The following FBLN1 variants were observed in gnomAD, a reference collection of about 807,000 sequenced individuals.
FBLN1 encodes the protein fibulin 1.
In FBLN1, 34 loss-of-function variants were observed where a neutral mutation model predicts 89.7. The observed-to-expected ratio is 0.38, with a 90% CI of 0.29 to 0.50. The LOEUF (loss-of-function observed/expected upper bound fraction) is 0.50. Ranked by LOEUF, FBLN1 falls within the 20% of genes least tolerant of loss-of-function variation. FBLN1 has a pLI of 0.92. For synonymous variants in FBLN1, 393 were observed against 391.3 expected (o/e 1.00, Z -0.05); for missense variants, 777 against 988.1 (o/e 0.79, Z 2.86).
chr22:45,539,636 A>G (rs2088529167), intron 8 of FBLN1, among the ~76,000 whole-genome samples: 1 of 152,248 alleles, frequency 6.6e-6, no homozygotes, highest in Non-Finnish European at 1.5e-5. Context: ...GGGTGAAGCC[A>G]AGTGAACGGG....
chr22:45,510,289 CTGCTTTG>C (rs1303809057), intron 1 of FBLN1, among the ~76,000 whole-genome samples: 6 of 152,136 alleles, frequency 3.9e-5, no homozygotes, highest in Non-Finnish European at 7.4e-5. Flanking sequence ...TCCCTGGATC[CTGCTTTG>C]CTTTCACCCT....
chr22:45,526,224 G>A (rs540920367), intron 3 of FBLN1, among the ~76,000 whole-genome samples: 23 of 152,336 alleles, frequency 1.5e-4, no homozygotes, highest in African/African-American at 5.5e-4. Flanking sequence ...GGACCCAGAC[G>A]GGATCCTGCC....
chr22:45,565,091 G>T, intron 14 of FBLN1: 1 of 1,594,910 alleles, frequency 6.3e-7, no homozygotes, highest in Non-Finnish European at 8.5e-7. Flanking sequence ...CACGGCCCTT[G>T]CCACTGTCTC....
rs757562434 is a variant in FBLN1, at chr22:45,542,291, G to C, written c.1195+8G>C. On this transcript the variant is annotated splice_region_variant and intron_variant, in intron 10 of 16. Coordinates refer to ENST00000327858, the MANE Select transcript of FBLN1 (RefSeq NM_006486.3). Reference sequence around the variant, plus strand: ...TCAGCAGGATGTGTGTCGGTGCGTGGGGGGCCCCGCAGGCCTCGGGGGAAC... The same window carrying C: ...TCAGCAGGATGTGTGTCGGTGCGTGCGGGGCCCCGCAGGCCTCGGGGGAAC... 1 of 1,613,666 alleles carries C rather than the reference G, an allele frequency of 6.2e-7. No individual in the cohort carries two copies. The highest frequency in any genetic ancestry group is 8.5e-7 in the Non-Finnish European group (1 of 1,180,014).
At chr22:45,570,376 A>AAAAG (rs1180424298) in intron 14 of FBLN1, among the ~76,000 whole-genome samples, 15 of 150,706 alleles carry the variant, frequency 1.0e-4, no homozygotes, top group African/African-American at 3.4e-4. Flanking sequence ...GAAAAAGAAA[A>AAAAG]AAAGAAAGAA....
At position 45,578,557 on chromosome 22, in the gene FBLN1, T is replaced by G. The variant is rs917774492; in HGVS notation, c.1972+1449T>G. On this transcript the variant is annotated intron_variant, in intron 16 of 16. Coordinates refer to ENST00000327858, the MANE Select transcript of FBLN1 (RefSeq NM_006486.3). This position sits in a 1 kb window ranked among gnomAD's most constrained non-coding sequence, Gnocchi z 4.6. Reference sequence around the variant, plus strand: ...GTTTCCCCCATTGTGAAATGAGAGTTTAGATGAAGACAGCCTTGAGGGTCC... The same window carrying G: ...GTTTCCCCCATTGTGAAATGAGAGTGTAGATGAAGACAGCCTTGAGGGTCC... 1 of 152,218 alleles carries G rather than the reference T, an allele frequency of 6.6e-6. No individual in the cohort carries two copies. Among genetic ancestry groups the G allele is most frequent in the Non-Finnish European group, 1.5e-5 (1 of 68,054 alleles). 9.4% of individuals were successfully genotyped at this position (152,218 alleles called of 1,614,324 possible). A position where few individuals can be genotyped will look rare whatever the true frequency, so the allele number is the denominator to read the frequency against.
chr22:45,540,921 T>G (rs937833953), intron 8 of FBLN1, among the ~76,000 whole-genome samples: 1 of 152,118 alleles, frequency 6.6e-6, no homozygotes, highest in Non-Finnish European at 1.5e-5. Flanking sequence ...CCGTGCCCAG[T>G]GTGTGGAGTA....
chr22:45,555,085 C>T (rs1433006176), intron 14 of FBLN1, among the ~76,000 whole-genome samples: 1 of 145,152 alleles, frequency 6.9e-6, no homozygotes, highest in Non-Finnish European at 1.5e-5. Context: ...GACCCGTCCC[C>T]GTCTCCACCG....
In FBLN1 at chr22:45,581,981, G is replaced by A. The variant is rs184166323; in HGVS notation, c.1972+4873G>A. Among the ~76,000 whole-genome samples the A allele has an allele frequency of 2.9e-3, 441 of 152,324 alleles. 1 individual carries two copies. Among genetic ancestry groups the A allele is most frequent in the African/African-American group, 8.5e-3 (354 of 41,564 alleles). On this transcript the variant is annotated intron_variant, in intron 16 of 16. Coordinates refer to ENST00000327858, the MANE Select transcript of FBLN1 (RefSeq NM_006486.3). The surrounding 1 kb of genome is among the most constrained non-coding windows in gnomAD (Gnocchi z 7.6). ...ACCACGGGAGCCACGGGAGGTCTGT[G>A]CTGCCCATGGAGCTTCCAGATCCCG... is the stretch of plus-strand genomic sequence containing the variant.
chr22:45,554,321 G>T (rs2088749201), intron 14 of FBLN1, among the ~76,000 whole-genome samples: 1 of 152,204 alleles, frequency 6.6e-6, no homozygotes, highest in South Asian at 2.1e-4. Context: ...AGGCCCCCCT[G>T]GGGGAGAGCT....
intron 14 of FBLN1, among the ~76,000 whole-genome samples, chr22:45,555,201 T>G (rs1423573406): frequency 3.3e-5 from 5 of 149,804 alleles, no homozygotes; most frequent in African/African-American, 1.2e-4. Flanking sequence ...ACAAGAAGTT[T>G]GGACCTGTAT....
chr22:45,514,978 G>A (rs1220859071), intron 1 of FBLN1, among the ~76,000 whole-genome samples: 2 of 152,194 alleles, frequency 1.3e-5, no homozygotes, highest in African/African-American at 2.4e-5. Context: ...TGCTGTGGGA[G>A]CAGGGACACC....
In FBLN1 at chr22:45,502,977, C is replaced by T. The variant is rs2087965374; in HGVS notation, c.-9C>T. ...TCCGCCGCCGCCCACCGCCCGTCGCCCGCCGCCCATGGAGCGCGCCGCGCC... is the reference window on the plus strand; with the variant it reads ...TCCGCCGCCGCCCACCGCCCGTCGCTCGCCGCCCATGGAGCGCGCCGCGCC... On this transcript the variant is annotated 5_prime_UTR_variant, in exon 1 of 17. Transcript: ENST00000327858. The T allele has an allele frequency of 8.4e-7, 1 of 1,183,688 alleles. No homozygotes were observed. The highest frequency in any genetic ancestry group is 1.0e-6 in the Non-Finnish European group (1 of 956,552). 73.3% of individuals were successfully genotyped at this position (1,183,688 alleles called of 1,614,324 possible).
chr22:45,556,495 G>A lies in FBLN1; in HGVS notation c.1697+5880G>A, dbSNP rs2088790102. ...TGACCCAAACCTTCATTCCTGAAGG[G>A]TCTGGGTCATTTGTAGTCCTGCCTG... On this transcript the variant is annotated intron_variant, in intron 14 of 16. Transcript: ENST00000327858. This position sits in a 1 kb window ranked among gnomAD's most constrained non-coding sequence, Gnocchi z 4.6. Among the ~76,000 whole-genome samples, 1 of 151,834 alleles carries A rather than the reference G, an allele frequency of 6.6e-6. No individual in the cohort carries two copies. The highest frequency in any genetic ancestry group is 2.4e-5 in the African/African-American group (1 of 41,304).
At position 45,580,624 on chromosome 22, in the gene FBLN1, C is replaced by T. The variant is rs151285750; in HGVS notation, c.1972+3516C>T. 2.0e-3 allele frequency among the ~76,000 whole-genome samples: 304 copies of T among 152,340 alleles called. 1 individual carries two copies. Among genetic ancestry groups the T allele is most frequent in the Non-Finnish European group, 3.5e-3 (238 of 68,016 alleles). On this transcript the variant is annotated intron_variant, in intron 16 of 16. Transcript: ENST00000327858. This position sits in a 1 kb window ranked among gnomAD's most constrained non-coding sequence, Gnocchi z 8.6. ...AGGCCACTCAGAGCTGGGGCCAGAG[C>T]GGGCCTGGAGCCCGGTCTTCCCCAG...
chr22:45,586,282 G>A (rs989888568), intron 16 of FBLN1, among the ~76,000 whole-genome samples: 2 of 152,194 alleles, frequency 1.3e-5, no homozygotes, highest in African/African-American at 2.4e-5. Flanking sequence ...AAGGGTCGGC[G>A]GGGTACAGCC....
In FBLN1 at chr22:45,531,048, G is replaced by A. The variant is rs888633854; in HGVS notation, c.485-217G>A. ...CAAAGTGCTGGGATTACAGGTGCCC[G>A]CCACCACGCCTGGCCTATAATTGAT... On this transcript the variant is annotated intron_variant, in intron 4 of 16. Transcript: ENST00000327858. The surrounding 1 kb of genome is among the most constrained non-coding windows in gnomAD (Gnocchi z 4.9). 2.0e-5 allele frequency among the ~76,000 whole-genome samples: 3 copies of A among 152,096 alleles called. No homozygotes were observed. Among genetic ancestry groups the A allele is most frequent in the South Asian group, 2.1e-4 (1 of 4,824 alleles).
chr22:45,572,846 C>T lies in FBLN1; in HGVS notation c.1698-1665C>T, dbSNP rs1236308081. Reference sequence around the variant, plus strand: ...GTGGACAGAGGACCATGCTGAACTGCACCGTGAGGATGCAATCAGCAAAGT... The same window carrying T: ...GTGGACAGAGGACCATGCTGAACTGTACCGTGAGGATGCAATCAGCAAAGT... On this transcript the variant is annotated intron_variant, in intron 14 of 16. Coordinates refer to ENST00000327858, the MANE Select transcript of FBLN1 (RefSeq NM_006486.3). This position sits in a 1 kb window ranked among gnomAD's most constrained non-coding sequence, Gnocchi z 5.8. Among the ~76,000 whole-genome samples, 1 of 152,248 alleles carries T rather than the reference C, an allele frequency of 6.6e-6. No individual in the cohort carries two copies. The highest frequency in any genetic ancestry group is 1.5e-5 in the Non-Finnish European group (1 of 68,050).
At chr22:45,525,705 G>A (rs567195657) in intron 3 of FBLN1, 27 bp downstream of exon 3, 23 of 1,551,120 alleles carry the variant, frequency 1.5e-5, no homozygotes, top group South Asian at 1.2e-4. Flanking sequence ...ATGTGGGGTC[G>A]CTGCCCGTCC....
Sources: gnomAD v4.1 joint callset for allele counts (sites outside exome capture counted in the v4.1 genomes callset) on GRCh38, gnomAD v4.1.1 for gene constraint, Gnocchi (gnomAD v3.1) non-coding constraint, MANE v1.5 for transcripts, NCBI Gene and HGNC (gene_info 2026-07-23, HGNC 2026-07-21) for gene names.